Variants in BLK observed in about 807,000 individuals in gnomAD.
The protein encoded by BLK is tyrosine-protein kinase Blk.
A neutral mutation model predicts 61.8 loss-of-function variants in BLK; 64 were observed. The observed-to-expected ratio is 1.03, with a 90% CI of 0.85 to 1.27. The LOEUF (loss-of-function observed/expected upper bound fraction) is 1.27, where lower values mean the gene tolerates loss of function less well. Among genes scored for constraint, BLK ranks in the 50% most tolerant of loss-of-function variants. The pLI, the probability that BLK is intolerant of heterozygous loss-of-function variation, is 0.00. For synonymous variants in BLK, 351 were observed against 272.0 expected, an observed-to-expected ratio of 1.29 and a Z score of -2.86; for missense variants, 853 against 660.5, an observed-to-expected ratio of 1.29 and a Z score of -3.19.
At chr8:11,556,363 G>A (rs1438372220) in intron 8 of BLK, 2 of 457,766 alleles carry the variant, frequency 4.4e-6, no homozygotes, top group Non-Finnish European at 8.1e-6. Flanking sequence ...TAGGGGAGGG[G>A]TGGGGGAAGG....
Position 11,504,367 on chromosome 8 carries a change from G to GGAAGGAAGGAAGAAAAGAAAAGAAAAGA in BLK, c.-2+9776_-2+9777insGAAGGAAGGAAGAAAAGAAAAGAAAAGA, listed in dbSNP as rs1554540059. On this transcript the variant is annotated intron_variant, in intron 1 of 12. Transcript: ENST00000259089. ...AGGAAGGAAGGAAGGAAGGAAGGAA[G>GGAAGGAAGGAAGAAAAGAAAAGAAAAGA]AAAGAAAAGAAAAGAAAAGAAAAGA... is the stretch of plus-strand genomic sequence containing the variant. 9.6e-3 allele frequency among the ~76,000 whole-genome samples: 377 copies of GGAAGGAAGGAAGAAAAGAAAAGAAAAGA among 39,380 alleles called. 1 individual carries two copies. Among genetic ancestry groups the GGAAGGAAGGAAGAAAAGAAAAGAAAAGA allele is most frequent in the Non-Finnish European group, 0.016 (227 of 14,426 alleles). 25.8% of individuals were successfully genotyped at this position (39,380 alleles called of 152,430 possible).
intron 2 of BLK, chr8:11,545,701 AT>A: frequency 2.9e-6 from 1 of 348,164 alleles, no homozygotes; most frequent in Admixed American, 3.8e-5. Context: ...CTTTTTAAAT[AT>A]TTTTTCTTGT....
intron 1 of BLK, among the ~76,000 whole-genome samples, chr8:11,543,012 G>A (rs1800454264): frequency 6.6e-6 from 1 of 152,154 alleles, no homozygotes; most frequent in African/African-American, 2.4e-5. Flanking sequence ...TAAATGCAGT[G>A]CTTTCTGCTG....
intron 3 of BLK, among the ~76,000 whole-genome samples, chr8:11,547,499 G>A (rs984499939): frequency 1.3e-5 from 2 of 152,204 alleles, no homozygotes; most frequent in Non-Finnish European, 1.5e-5. Context: ...CAAGGTGGGG[G>A]GCCCGGCAGG....
chr8:11,521,236 C>G lies in BLK; in HGVS notation c.-1-21988C>G, dbSNP rs114845105. Among the ~76,000 whole-genome samples the G allele has an allele frequency of 1.2e-3, 186 of 152,224 alleles. 1 individual carries two copies. Among genetic ancestry groups the G allele is most frequent in the African/African-American group, 4.3e-3 (180 of 41,550 alleles). ...AAGTCATTAAATAATTATCTATACC[C>G]TAAAGATATCCTGTATTTTTTCTAA... On this transcript the variant is annotated intron_variant, in intron 1 of 12. Transcript: ENST00000259089.
chr8:11,558,226 G>C (rs1801324514), intron 10 of BLK, among the ~76,000 whole-genome samples, 188 bp downstream of exon 10: 2 of 152,198 alleles, frequency 1.3e-5, no homozygotes, highest in Admixed American at 6.5e-5. Flanking sequence ...CCTGGCCACT[G>C]TGCCTCCTGC....
chr8:11,519,869 G>A (rs1471480865), intron 1 of BLK, among the ~76,000 whole-genome samples: 2 of 152,100 alleles, frequency 1.3e-5, no homozygotes, highest in Non-Finnish European at 2.9e-5. Context: ...ATCCCTTGCC[G>A]CCCCCACTAT....
At chr8:11,508,734 T>A (rs1181969823) in intron 1 of BLK, among the ~76,000 whole-genome samples, 1 of 152,218 alleles carries the variant, frequency 6.6e-6, no homozygotes, top group Non-Finnish European at 1.5e-5. Context: ...AGACAGCCAC[T>A]GTAGTGTCAG....
chr8:11,514,726 G>A (rs563969236), intron 1 of BLK, among the ~76,000 whole-genome samples: 1 of 152,238 alleles, frequency 6.6e-6, no homozygotes, highest in Non-Finnish European at 1.5e-5. Flanking sequence ...CTATGCAGCA[G>A]GGCAACTACA....
chr8:11,537,959 C>A (rs1042749038), intron 1 of BLK, among the ~76,000 whole-genome samples: 1 of 152,124 alleles, frequency 6.6e-6, no homozygotes, highest in African/African-American at 2.4e-5. Flanking sequence ...TTCAAATAAA[C>A]AAACAACTCC....
intron 1 of BLK, among the ~76,000 whole-genome samples, chr8:11,523,283 G>T (rs1283929955): frequency 6.6e-6 from 1 of 152,200 alleles, no homozygotes; most frequent in African/African-American, 2.4e-5. Flanking sequence ...GTTGGGCATG[G>T]TGGCTCACAC....
intron 10 of BLK, among the ~76,000 whole-genome samples, chr8:11,558,315 G>A (rs576553219): frequency 2.6e-5 from 4 of 152,336 alleles, no homozygotes; most frequent in South Asian, 4.1e-4. Context: ...ATTCTGTTCC[G>A]AAGGAAGAGA....
intron 1 of BLK, among the ~76,000 whole-genome samples, chr8:11,540,082 G>T (rs1800309746): frequency 6.6e-6 from 1 of 151,544 alleles, no homozygotes; most frequent in East Asian, 1.9e-4. Flanking sequence ...TTCGCTTCTG[G>T]GTATTTTATC....
intron 6 of BLK, among the ~76,000 whole-genome samples, chr8:11,551,285 C>T (rs1053571695): frequency 1.3e-5 from 2 of 152,142 alleles, no homozygotes; most frequent in East Asian, 1.9e-4. Flanking sequence ...GCTGGAAGTC[C>T]ACGACCAAAG....
chr8:11,513,884 G>A (rs1331851169), intron 1 of BLK, among the ~76,000 whole-genome samples: 2 of 152,178 alleles, frequency 1.3e-5, no homozygotes, highest in African/African-American at 2.4e-5. Context: ...AGCTGGGCCC[G>A]ACCCAGGTGG....
intron 1 of BLK, among the ~76,000 whole-genome samples, chr8:11,507,603 C>T (rs886230702): frequency 6.6e-6 from 1 of 152,208 alleles, no homozygotes; most frequent in Admixed American, 6.5e-5. Flanking sequence ...TGGCCAAGCA[C>T]TTGGAATTTA....
chr8:11,512,450 C>T, intron 1 of BLK, among the ~76,000 whole-genome samples: 1 of 152,222 alleles, frequency 6.6e-6, no homozygotes, highest in East Asian at 1.9e-4. Flanking sequence ...AGTCTGAAAG[C>T]CCAACAGTTC....
chr8:11,501,826 G>A (rs1018562976), intron 1 of BLK, among the ~76,000 whole-genome samples: 2 of 152,230 alleles, frequency 1.3e-5, no homozygotes, highest in Admixed American at 1.3e-4. Flanking sequence ...GTTGGGGCAG[G>A]CTGCAGCCTT....
chr8:11,542,364 C>T (rs959490690), intron 1 of BLK, among the ~76,000 whole-genome samples: 10 of 152,308 alleles, frequency 6.6e-5, no homozygotes, highest in East Asian at 1.9e-4. Flanking sequence ...TTCTGACACG[C>T]GTGGGGACTT....
Sources: allele counts gnomAD v4.1 joint callset (sites outside exome capture counted in the v4.1 genomes callset), GRCh38; gene constraint gnomAD v4.1.1; transcripts MANE v1.5; gene names NCBI Gene and HGNC (gene_info 2026-07-23, HGNC 2026-07-21).